Variants in GPRIN3 observed in about 807,000 individuals in gnomAD.
The protein encoded by GPRIN3 is G protein-regulated inducer of neurite outgrowth 3.
GPRIN3 carries 12 observed loss-of-function variants against 13.7 expected under a neutral mutation model. That is an observed-to-expected ratio of 0.87 (90% CI 0.56 to 1.42). GPRIN3 has a LOEUF of 1.42. Among genes scored for constraint, GPRIN3 ranks in the 40% most tolerant of loss-of-function variants. GPRIN3 has a pLI of 0.00. For synonymous variants in GPRIN3, 377 were observed against 372.7 expected, an observed-to-expected ratio of 1.01 and a Z score of -0.13; for missense variants, 1,009 against 958.7, an observed-to-expected ratio of 1.05 and a Z score of -0.69.
chr4:89,257,018 T>C (rs1723484702), intron 1 of GPRIN3, among the ~76,000 whole-genome samples: 1 of 152,184 alleles, frequency 6.6e-6, no homozygotes, highest in Admixed American at 6.5e-5. Flanking sequence ...AGTCCCTTCT[T>C]CTTTCTTTAA....
intron 1 of GPRIN3, among the ~76,000 whole-genome samples, chr4:89,286,044 C>T (rs1724401891): frequency 6.6e-6 from 1 of 150,926 alleles, no homozygotes; most frequent in South Asian, 2.1e-4. Context: ...AGACATTTTC[C>T]TTCTTGCAGA....
chr4:89,304,524 A>G (rs375479453), intron 1 of GPRIN3, among the ~76,000 whole-genome samples: 17 of 152,304 alleles, frequency 1.1e-4, no homozygotes, highest in African/African-American at 3.4e-4. Flanking sequence ...AACTGACTTC[A>G]CAGTGTGCTA....
At chr4:89,264,658 G>T (rs1432122255) in intron 1 of GPRIN3, among the ~76,000 whole-genome samples, 2 of 152,116 alleles carry the variant, frequency 1.3e-5, no homozygotes, top group Non-Finnish European at 2.9e-5. Flanking sequence ...AGAATAAGGG[G>T]CAAGATTAGA....
At chr4:89,280,570 C>T (rs1041855105) in intron 1 of GPRIN3, among the ~76,000 whole-genome samples, 2 of 152,172 alleles carry the variant, frequency 1.3e-5, no homozygotes, top group African/African-American at 4.8e-5. Flanking sequence ...TTCCTGTTTC[C>T]TGAATGCTCT....
Position 89,236,544 on chromosome 4 carries a change from C to A in GPRIN3, c.*11236G>T, listed in dbSNP as rs1578056950. The A allele has an allele frequency of 6.6e-6, 1 of 152,084 alleles. No individual in the cohort carries two copies. The allele number at this position is 152,084 out of a possible 1,614,324, so 9.4% of individuals were successfully genotyped here. A position where few individuals can be genotyped will look rare whatever the true frequency, so the allele number is the denominator to read the frequency against. On this transcript the variant is annotated 3_prime_UTR_variant, in exon 2 of 2. Transcript: ENST00000609438. ...TTTTGCCTATGCCATTTAATTCCCA[C>A]AAATTTGCAAAGTGAGCATTGTTAT... is the stretch of plus-strand genomic sequence containing the variant.
Position 89,248,647 on chromosome 4 carries a change from A to T in GPRIN3, c.1464T>A (p.Phe488Leu), listed in dbSNP as rs371907086. 1 of 1,614,040 alleles carries T rather than the reference A, an allele frequency of 6.2e-7. No individual in the cohort carries two copies. The highest frequency in any genetic ancestry group is 8.5e-7 in the Non-Finnish European group (1 of 1,180,010). ...CTGCAAACTCAGATGGCCTGGTTTC[A>T]AATTTCCCCAATCCATAACTTGTTT... ...QAETSYGLGK[F>L]ETRPSEFAEK... The change falls in exon 2 of 2, where the codon TTT becomes TTA. Residue 488 changes from phenylalanine (F) to leucine (L), a missense_variant. Coordinates refer to ENST00000609438, the MANE Select transcript of GPRIN3 (RefSeq NM_198281.3).
intron 1 of GPRIN3, 63 bp from the exon 2 acceptor site, chr4:89,250,296 A>G: frequency 4.1e-6 from 5 of 1,216,972 alleles, no homozygotes; most frequent in Non-Finnish European, 4.3e-6. Flanking sequence ...AAAATAAACC[A>G]AACTGTCGTT....
intron 1 of GPRIN3, among the ~76,000 whole-genome samples, chr4:89,292,231 T>C (rs988756476): frequency 1.3e-5 from 2 of 152,232 alleles, no homozygotes; most frequent in African/African-American, 4.8e-5. Flanking sequence ...AGAATTTTAA[T>C]AAAACTATAT....
At chr4:89,295,870 T>C (rs111334745) in intron 1 of GPRIN3, among the ~76,000 whole-genome samples, 51 of 152,292 alleles carry the variant, frequency 3.3e-4, no homozygotes, top group African/African-American at 1.2e-3. Flanking sequence ...TTTCATTAAA[T>C]TGACTTTAAC....
At chr4:89,283,613 G>T (rs1395775873) in intron 1 of GPRIN3, among the ~76,000 whole-genome samples, 1 of 151,746 alleles carries the variant, frequency 6.6e-6, no homozygotes, top group East Asian at 1.9e-4. Context: ...CTTTGGTAGA[G>T]CTCGGCATAG....
intron 1 of GPRIN3, among the ~76,000 whole-genome samples, chr4:89,253,107 A>C (rs1723376194): frequency 6.6e-6 from 1 of 151,528 alleles, no homozygotes; most frequent in South Asian, 2.1e-4. Flanking sequence ...CACCATTGTT[A>C]CTTATATAAA....
At chr4:89,302,366 T>A (rs1054987760) in intron 1 of GPRIN3, among the ~76,000 whole-genome samples, 2 of 152,220 alleles carry the variant, frequency 1.3e-5, no homozygotes, top group African/African-American at 4.8e-5. Flanking sequence ...TTGGGACTCA[T>A]CTGTAATCAT....
Position 89,283,518 on chromosome 4 carries a change from G to A in GPRIN3, c.-124+24097C>T, listed in dbSNP as rs1345913240. 2.0e-5 allele frequency among the ~76,000 whole-genome samples: 3 copies of A among 152,178 alleles called. No homozygotes were observed. The East Asian group carries it at 5.8e-4, about 29-fold the overall frequency. Reference sequence around the variant, plus strand: ...GGTACACACAAGGTGGGTGGAATCTGCCAGTCCTCACCTTCAGGAAGTTCA... The same window carrying A: ...GGTACACACAAGGTGGGTGGAATCTACCAGTCCTCACCTTCAGGAAGTTCA... On this transcript the variant is annotated intron_variant, in intron 1 of 1. Coordinates refer to ENST00000609438, the MANE Select transcript of GPRIN3 (RefSeq NM_198281.3).
chr4:89,268,977 G>T (rs958000057), intron 1 of GPRIN3, among the ~76,000 whole-genome samples: 1 of 152,098 alleles, frequency 6.6e-6, no homozygotes, highest in Non-Finnish European at 1.5e-5. Context: ...TAAACTTTAA[G>T]AATAACAGCT....
chr4:89,241,437 C>G lies in GPRIN3; in HGVS notation c.*6343G>C, dbSNP rs1390164320. On this transcript the variant is annotated 3_prime_UTR_variant, in exon 2 of 2. Transcript: ENST00000609438. ...CACACTCACAGAATGTATTGACATA[C>G]CACGACCAGCTACAGTATTATGCAC... 6.6e-6 allele frequency: 1 copy of G among 152,136 alleles called. No homozygotes were observed. The highest frequency in any genetic ancestry group is 1.5e-5 in the Non-Finnish European group (1 of 68,028). The allele number at this position is 152,136 out of a possible 1,614,324, so 9.4% of individuals were successfully genotyped here.
chr4:89,270,582 T>TG (rs1553951342), intron 1 of GPRIN3, among the ~76,000 whole-genome samples: 2 of 125,226 alleles, frequency 1.6e-5, no homozygotes, highest in African/African-American at 6.7e-5. Context: ...TATATATATA[T>TG]ATATATATAT....
At position 89,242,862 on chromosome 4, in the gene GPRIN3, G is replaced by A. The variant is rs1413884901; in HGVS notation, c.*4918C>T. On this transcript the variant is annotated 3_prime_UTR_variant, in exon 2 of 2. Transcript: ENST00000609438. ...GGCCACCACAAGTCATTTCACCAAG[G>A]TCCAAGGTTATTTGAATGTTGTTTA... 3 of 152,070 alleles carry A rather than the reference G, an allele frequency of 2.0e-5. No individual in the cohort carries two copies. Among genetic ancestry groups the A allele is most frequent in the African/African-American group, 4.8e-5 (2 of 41,402 alleles). 9.4% of individuals were successfully genotyped at this position (152,070 alleles called of 1,614,324 possible).
In GPRIN3 at chr4:89,246,659, G is replaced by A. The variant is rs929965297; in HGVS notation, c.*1121C>T. 2.0e-5 allele frequency: 3 copies of A among 152,164 alleles called. No homozygotes were observed. The highest frequency in any genetic ancestry group is 2.9e-5 in the Non-Finnish European group (2 of 68,032). 9.4% of individuals were successfully genotyped at this position (152,164 alleles called of 1,614,324 possible). On this transcript the variant is annotated 3_prime_UTR_variant, in exon 2 of 2. Coordinates refer to ENST00000609438, the MANE Select transcript of GPRIN3 (RefSeq NM_198281.3). ...ATATTTAAGCAATTAGATGATAGTA[G>A]TCTATGTACAAAAATTGTAAGGAAG...
Position 89,287,465 on chromosome 4 carries a change from G to T in GPRIN3, c.-124+20150C>A, listed in dbSNP as rs77277769. 1.9e-4 allele frequency among the ~76,000 whole-genome samples: 29 copies of T among 152,300 alleles called. No individual in the cohort carries two copies. In the East Asian group the frequency reaches 5.6e-3, roughly 29 times the overall value. The stretch of plus-strand genomic sequence containing the variant: ...AGCACAGGATAAATATTCGAGTTGG[G>T]TTTTAAAAGCTGAGCCTTTGGGCAG... On this transcript the variant is annotated intron_variant, in intron 1 of 1. Transcript: ENST00000609438.
Sources: allele counts gnomAD v4.1 joint callset (sites outside exome capture counted in the v4.1 genomes callset), GRCh38; gene constraint gnomAD v4.1.1; transcripts MANE v1.5; gene names NCBI Gene and HGNC (gene_info 2026-07-23, HGNC 2026-07-21).